The following C5orf58 variants were observed in gnomAD, a reference collection of about 807,000 sequenced individuals.
C5orf58 encodes the protein putative uncharacterized protein C5orf58.
In C5orf58, 2 loss-of-function variants were observed where a neutral mutation model predicts 2.9. The observed-to-expected ratio is 0.69, with a 90% confidence interval of 0.28 to 2.18. The LOEUF (loss-of-function observed/expected upper bound fraction) is 2.18, where lower values mean the gene tolerates loss of function less well. Among genes scored for constraint, C5orf58 ranks in the 30% most tolerant of loss-of-function variants. The probability of loss-of-function intolerance (pLI) is 0.13; values close to 1 mark genes in which losing one functional copy is unlikely to be tolerated. For missense variants in C5orf58, 96 were observed against 91.7 expected (o/e 1.05, Z -0.19); for synonymous variants, 37 against 33.4 (o/e 1.11, Z -0.37).
chr5:170,234,196 A>G lies in C5orf58; in HGVS notation c.-3A>G. 1.5e-6 allele frequency: 2 copies of G among 1,366,650 alleles called. No individual in the cohort carries two copies. Among genetic ancestry groups the G allele is most frequent in the Non-Finnish European group, 2.0e-6 (2 of 1,020,930 alleles). The allele number at this position is 1,366,650 out of a possible 1,614,324, so 84.7% of individuals were successfully genotyped here. On this transcript the variant is annotated splice_region_variant and 5_prime_UTR_variant, in exon 2 of 4. Transcript: ENST00000593851. ...AAAGGTAGAGGCAAGGATTGACTTA[A>G]AGGTTAGTTTGTTTTCATTATTTTG...
At position 170,242,609 on chromosome 5, in the gene C5orf58, G is replaced by T. The variant is rs554960654; in HGVS notation, c.95-3353G>T. Among the ~76,000 whole-genome samples the T allele has an allele frequency of 1.7e-4, 16 of 95,876 alleles. 1 individual carries two copies. The South Asian group carries it at 5.4e-3, about 32-fold the overall frequency. 62.9% of individuals were successfully genotyped at this position (95,876 alleles called of 152,430 possible). A position where few individuals can be genotyped will look rare whatever the true frequency, so the allele number is the denominator to read the frequency against. On this transcript the variant is annotated intron_variant, in intron 3 of 3. Coordinates refer to ENST00000593851, the MANE Select transcript of C5orf58 (RefSeq NM_001102609.3). ...CTCTGATGGTAGTTTGTATTTCTGT[G>T]GGATCGGTGGTGATATCCCCTTTAT... is the stretch of plus-strand genomic sequence containing the variant.
chr5:170,250,646 G>C, downstream of C5orf58: 5 of 1,069,540 alleles, frequency 4.7e-6, no homozygotes, highest in South Asian at 6.3e-5. Flanking sequence ...CATACAGCAC[G>C]GACTCTCAAA....
chr5:170,250,936 T>C, downstream of C5orf58: 1 of 1,534,528 alleles, frequency 6.5e-7, no homozygotes, highest in South Asian at 1.1e-5. Flanking sequence ...TCAATATTTT[T>C]GTTGCTTGTA....
chr5:170,236,980 A>C (rs1399239556), intron 3 of C5orf58, among the ~76,000 whole-genome samples: 1 of 152,228 alleles, frequency 6.6e-6, no homozygotes, highest in Non-Finnish European at 1.5e-5. Flanking sequence ...ATTCTTAAAA[A>C]ATTTTTATTA....
At chr5:170,246,840 AG>A (rs532425836), downstream of C5orf58, 178 of 152,366 alleles carry the variant, frequency 1.2e-3, no homozygotes, top group African/African-American at 3.9e-3. Flanking sequence ...CCCAGCCAAA[AG>A]GAGTTGTCGG....
chr5:170,247,012 T>C (rs1314265356), downstream of C5orf58: 1 of 152,238 alleles, frequency 6.6e-6, no homozygotes, highest in African/African-American at 2.4e-5. Flanking sequence ...CGCTACCAAA[T>C]AGTTGCTTTG....
At chr5:170,243,374 G>T in intron 3 of C5orf58, among the ~76,000 whole-genome samples, 1 of 118,538 alleles carries the variant, frequency 8.4e-6, no homozygotes, top group South Asian at 2.9e-4. Context: ...TATTGACAGT[G>T]GGGTGTTAAA....
intron 3 of C5orf58, among the ~76,000 whole-genome samples, chr5:170,245,150 G>T (rs1420208274): frequency 6.6e-6 from 1 of 152,190 alleles, no homozygotes; most frequent in African/African-American, 2.4e-5. Flanking sequence ...CCAGCTGCGT[G>T]CTGGGAGAAC....
chr5:170,252,171 T>C, exon 3 of C5orf58: 1 of 293,220 alleles, frequency 3.4e-6, no homozygotes. Context: ...AGACAGACTC[T>C]TTCATTAATA....
At chr5:170,240,932 C>G (rs1201327755) in intron 3 of C5orf58, among the ~76,000 whole-genome samples, 2 of 151,580 alleles carry the variant, frequency 1.3e-5, no homozygotes, top group African/African-American at 4.9e-5. Flanking sequence ...GTCTTTAATC[C>G]ATCTTGAATT....
At position 170,246,171 on chromosome 5, in the gene C5orf58, T is replaced by C; in HGVS notation, c.*58T>C. ...TTGAACTAACAAATATTTGGGAGAG[T>C]TGAGTTTACTAATTTGTATATATAT... On this transcript the variant is annotated 3_prime_UTR_variant, in exon 4 of 4. Transcript: ENST00000593851. The C allele has an allele frequency of 2.9e-6, 4 of 1,376,314 alleles. No individual in the cohort carries two copies. Among genetic ancestry groups the C allele is most frequent in the Non-Finnish European group, 4.0e-6 (4 of 996,126 alleles). The allele number at this position is 1,376,314 out of a possible 1,614,324, so 85.3% of individuals were successfully genotyped here. A position where few individuals can be genotyped will look rare whatever the true frequency, so the allele number is the denominator to read the frequency against.
chr5:170,246,763 G>T (rs1761307686), downstream of C5orf58: 1 of 152,272 alleles, frequency 6.6e-6, no homozygotes, highest in Non-Finnish European at 1.5e-5. Context: ...CACTGAGCAG[G>T]GTTCTGAGCA....
chr5:170,234,782 T>C (rs1278392556), intron 2 of C5orf58, 195 bp from the exon 3 acceptor site: 12 of 374,298 alleles, frequency 3.2e-5, no homozygotes, highest in South Asian at 8.1e-5. Flanking sequence ...CAAATTCCAG[T>C]TGGAGTTTTT....
At chr5:170,249,506 G>A (rs548417865), downstream of C5orf58, among the ~76,000 whole-genome samples, 12 of 151,792 alleles carry the variant, frequency 7.9e-5, no homozygotes, top group African/African-American at 2.9e-4. Context: ...TTTGGTTTTG[G>A]TTTTGGTTTC....
intron 3 of C5orf58, among the ~76,000 whole-genome samples, chr5:170,241,149 A>G (rs1045559777): frequency 6.6e-5 from 10 of 151,654 alleles, no homozygotes; most frequent in Admixed American, 1.3e-4. Flanking sequence ...CTGTTTTGGT[A>G]CCAGTACCAT....
downstream of C5orf58, chr5:170,250,918 A>G (rs1761423457): frequency 1.3e-6 from 2 of 1,590,052 alleles, no homozygotes; most frequent in East Asian, 2.2e-5. Context: ...TTATGGGAGC[A>G]GTAAAAGTCA....
chr5:170,249,958 C>T (rs1036009959), downstream of C5orf58, among the ~76,000 whole-genome samples: 2 of 152,250 alleles, frequency 1.3e-5, no homozygotes, highest in African/African-American at 4.8e-5. Flanking sequence ...GCAGCTCTAT[C>T]CACTGCCAAC....
downstream of C5orf58, chr5:170,252,223 T>G (rs1351629083): frequency 7.8e-6 from 3 of 383,196 alleles, no homozygotes; most frequent in Admixed American, 8.0e-5. Flanking sequence ...TGCCTTGAGA[T>G]TCTTCTGCCA....
chr5:170,252,224 T>C, downstream of C5orf58: 1 of 385,628 alleles, frequency 2.6e-6, no homozygotes, highest in Non-Finnish European at 4.7e-6. Flanking sequence ...GCCTTGAGAT[T>C]CTTCTGCCAG....
Sources: allele counts gnomAD v4.1 joint callset (sites outside exome capture counted in the v4.1 genomes callset), GRCh38; gene constraint gnomAD v4.1.1; transcripts MANE v1.5; gene names NCBI Gene and HGNC (gene_info 2026-07-23, HGNC 2026-07-21).